The following GNAI1 variants were observed in gnomAD, a reference collection of about 807,000 sequenced individuals.
GNAI1 encodes the protein guanine nucleotide-binding protein G(i) subunit alpha-1.
Under a neutral mutation model 38.9 loss-of-function variants are expected in GNAI1, and 11 were observed. The observed-to-expected ratio is 0.28, with a 90% CI of 0.18 to 0.47. GNAI1 has a LOEUF of 0.47. Among genes scored for constraint, GNAI1 ranks in the 20% least tolerant of loss-of-function variants. The pLI is 0.99. For missense variants in GNAI1, 317 were observed against 436.9 expected, an observed-to-expected ratio of 0.73 and a Z score of 2.45; for synonymous variants, 166 against 145.1, an observed-to-expected ratio of 1.14 and a Z score of -1.04.
chr7:80,189,167 C>A lies in GNAI1; in HGVS notation c.239C>A (p.Ser80Ter). 2 of 1,606,002 alleles carry A rather than the reference C, an allele frequency of 1.2e-6. No individual in the cohort carries two copies. Among genetic ancestry groups the A allele is most frequent in the Non-Finnish European group, 8.5e-7 (1 of 1,177,020 alleles). ...GTGGTCTACAGTAACACCATCCAGT[C>A]AATTATTGCTATCATTAGGGCTATG... is the stretch of plus-strand genomic sequence containing the variant. ...KAVVYSNTIQ[S>*]IIAIIRAMGR... The change falls in exon 3 of 8, where the codon TCA becomes TAA. Residue 80 changes from serine to a stop codon, truncating the protein, a stop_gained. Coordinates refer to ENST00000649796, the MANE Select transcript of GNAI1 (RefSeq NM_002069.6). LOFTEE classifies it high-confidence loss of function.
chr7:80,202,805 C>G (rs976672963), intron 4 of GNAI1, among the ~76,000 whole-genome samples: 2 of 152,186 alleles, frequency 1.3e-5, no homozygotes, highest in African/African-American at 4.8e-5. Context: ...TCATTTAAGG[C>G]TTTATATAGC....
chr7:80,213,159 A>G (rs1162303450), intron 7 of GNAI1, among the ~76,000 whole-genome samples: 1 of 152,234 alleles, frequency 6.6e-6, no homozygotes, highest in Non-Finnish European at 1.5e-5. Flanking sequence ...CATATCAGGT[A>G]CTGTGTGATG....
chr7:80,216,341 C>A (rs1383372521), intron 7 of GNAI1, among the ~76,000 whole-genome samples: 1 of 152,008 alleles, frequency 6.6e-6, no homozygotes, highest in East Asian at 1.9e-4. Flanking sequence ...ACACACATAA[C>A]ACAATCACAA....
intron 7 of GNAI1, 69 bp from the exon 8 acceptor site, chr7:80,217,234 C>CTGACTTCAGTTTAATATGTATGAAAT: frequency 9.6e-7 from 1 of 1,045,088 alleles, no homozygotes. Flanking sequence ...ATGTATGAAA[C>CTGACTTCAGTTTAATATGTATGAAAT]TGAATTCAGT....
rs1649926380 is a variant in GNAI1 at position 80,224,360 on chromosome 7, CAGAGCTGGGTGTAAAATCT to C, written c.*6872_*6890del. ...GCAATGTTGGCTATCTAGGAAGTGGCAGAGCTGGGTGTAAAATCTAGAGTTAAGACCTTTGTTAGCCATA... is the reference window on the plus strand; with the variant it reads ...GCAATGTTGGCTATCTAGGAAGTGGCAGAGTTAAGACCTTTGTTAGCCATA... On this transcript the variant is annotated 3_prime_UTR_variant, in exon 8 of 8. Transcript: ENST00000649796. Among the ~76,000 whole-genome samples, 1 of 151,972 alleles carries C rather than the reference CAGAGCTGGGTGTAAAATCT, an allele frequency of 6.6e-6. No individual in the cohort carries two copies. Among genetic ancestry groups the C allele is most frequent in the Non-Finnish European group, 1.5e-5 (1 of 68,022 alleles).
intron 1 of GNAI1, among the ~76,000 whole-genome samples, chr7:80,174,268 C>T (rs967280049): frequency 4.6e-5 from 7 of 152,070 alleles, no homozygotes; most frequent in Admixed American, 3.9e-4. Flanking sequence ...CCAGTATAAA[C>T]ACTTTTTTCA....
At chr7:80,182,032 C>T (rs1344610823) in intron 1 of GNAI1, among the ~76,000 whole-genome samples, 3 of 152,108 alleles carry the variant, frequency 2.0e-5, no homozygotes, top group Admixed American at 1.3e-4. Flanking sequence ...CTCCCTCCCT[C>T]CCCTTCAGTT....
intron 1 of GNAI1, among the ~76,000 whole-genome samples, chr7:80,179,869 A>G (rs900728658): frequency 2.6e-5 from 4 of 152,186 alleles, no homozygotes; most frequent in Non-Finnish European, 4.4e-5. Flanking sequence ...AATTTTTTAA[A>G]AATAAGTCAG....
At position 80,221,338 on chromosome 7, in the gene GNAI1, T is replaced by C. The variant is rs1401327745; in HGVS notation, c.*3845T>C. Among the ~76,000 whole-genome samples the C allele has an allele frequency of 1.3e-5, 2 of 151,860 alleles. No individual in the cohort carries two copies. The highest frequency in any genetic ancestry group is 2.9e-5 in the Non-Finnish European group (2 of 67,976). ...TACATGTTAAGTACCTAGAGGGGAG[T>C]GTGGAATGTATAAGCCGTCAATACA... On this transcript the variant is annotated 3_prime_UTR_variant, in exon 8 of 8. Transcript: ENST00000649796.
intron 3 of GNAI1, among the ~76,000 whole-genome samples, chr7:80,195,769 A>G (rs1788558744): frequency 6.6e-6 from 1 of 151,984 alleles, no homozygotes; most frequent in South Asian, 2.1e-4. Context: ...GCTGTATTAC[A>G]ATAGTCATCT....
chr7:80,192,995 G>A (rs1046599403), intron 3 of GNAI1, among the ~76,000 whole-genome samples: 3 of 135,994 alleles, frequency 2.2e-5, no homozygotes, highest in African/African-American at 5.6e-5. Flanking sequence ...CACCGCACCC[G>A]GCCTTGTTTT....
chr7:80,202,947 C>T (rs1000398492), intron 4 of GNAI1, among the ~76,000 whole-genome samples: 6 of 152,146 alleles, frequency 3.9e-5, no homozygotes, highest in South Asian at 4.1e-4. Flanking sequence ...TTAGACCCCT[C>T]GCTATCCATG....
chr7:80,221,307 T>G lies in GNAI1; in HGVS notation c.*3814T>G, dbSNP rs1789069947. ...TGGTTGTTGTCAGCATTAAATAAGTTCACAGTACATGTTAAGTACCTAGAG... is the reference window on the plus strand; with the variant it reads ...TGGTTGTTGTCAGCATTAAATAAGTGCACAGTACATGTTAAGTACCTAGAG... On this transcript the variant is annotated 3_prime_UTR_variant, in exon 8 of 8. Coordinates refer to ENST00000649796, the MANE Select transcript of GNAI1 (RefSeq NM_002069.6). 6.6e-6 allele frequency among the ~76,000 whole-genome samples: 1 copy of G among 152,202 alleles called. No individual in the cohort carries two copies. Among genetic ancestry groups the G allele is most frequent in the African/African-American group, 2.4e-5 (1 of 41,450 alleles).
chr7:80,216,140 A>T (rs1392601346), intron 7 of GNAI1, among the ~76,000 whole-genome samples: 2 of 152,118 alleles, frequency 1.3e-5, no homozygotes, highest in African/African-American at 2.4e-5. Context: ...ATTACATTAT[A>T]TACATTAATG....
At chr7:80,209,232 A>G (rs1356586229) in intron 5 of GNAI1, among the ~76,000 whole-genome samples, 3 of 152,188 alleles carry the variant, frequency 2.0e-5, no homozygotes, top group South Asian at 2.1e-4. Context: ...CTAAAGTTGT[A>G]TCATCAGTAT....
intron 4 of GNAI1, among the ~76,000 whole-genome samples, chr7:80,202,189 A>G (rs1788699132): frequency 6.6e-6 from 1 of 152,072 alleles, no homozygotes; most frequent in African/African-American, 2.4e-5. Flanking sequence ...TCCCAGGTGC[A>G]AGCGATTCTC....
intron 5 of GNAI1, among the ~76,000 whole-genome samples, chr7:80,206,066 T>C (rs1245275115): frequency 2.0e-5 from 3 of 152,118 alleles, no homozygotes; most frequent in Non-Finnish European, 4.4e-5. Context: ...TAGTCAACAC[T>C]GTTAAATTAT....
chr7:80,190,397 CATTT>C (rs1263961719), intron 3 of GNAI1, among the ~76,000 whole-genome samples: 1 of 151,860 alleles, frequency 6.6e-6, no homozygotes, highest in Admixed American at 6.6e-5. Context: ...ATACATTTAT[CATTT>C]ATTCAGCAAA....
rs1360581024 is a variant in GNAI1 at position 80,225,361 on chromosome 7, G to A, written c.*7868G>A. On this transcript the variant is annotated 3_prime_UTR_variant, in exon 8 of 8. Transcript: ENST00000649796. The stretch of plus-strand genomic sequence containing the variant: ...CATGGAGGGGGAGTTGACCCTTCAA[G>A]ATACTGGAAAATTATTAAATCCAGT... Among the ~76,000 whole-genome samples, 1 of 152,144 alleles carries A rather than the reference G, an allele frequency of 6.6e-6. No homozygotes were observed. The highest frequency in any genetic ancestry group is 1.5e-5 in the Non-Finnish European group (1 of 68,024).
Sources: gnomAD v4.1 joint callset for allele counts (sites outside exome capture counted in the v4.1 genomes callset) on GRCh38, gnomAD v4.1.1 for gene constraint, MANE v1.5 for transcripts, NCBI Gene and HGNC (gene_info 2026-07-23, HGNC 2026-07-21) for gene names.